DNM3: variants seen among roughly 807,000 people sequenced by gnomAD.
DNM3 encodes dynamin 3, also known as dynamin-3.
A neutral mutation model predicts 101.6 loss-of-function variants in DNM3; 47 were observed. The observed-to-expected ratio is 0.46, with a 90% confidence interval of 0.37 to 0.59. The LOEUF (loss-of-function observed/expected upper bound fraction) is 0.59, where lower values mean the gene tolerates loss of function less well. Ranked by LOEUF, DNM3 falls within the 20% of genes least tolerant of loss-of-function variation. The probability of loss-of-function intolerance (pLI) is 0.00; values close to 1 mark genes in which losing one functional copy is unlikely to be tolerated. For missense variants in DNM3, 849 were observed against 1,085.7 expected, an observed-to-expected ratio of 0.78 and a Z score of 3.06; for synonymous variants, 385 against 387.9, an observed-to-expected ratio of 0.99 and a Z score of 0.09.
chr1:172,391,544 A>C (rs1356259333), intron 20 of DNM3, among the ~76,000 whole-genome samples: 1 of 152,198 alleles, frequency 6.6e-6, no homozygotes, highest in African/African-American at 2.4e-5. Flanking sequence ...GAAAGAAAGA[A>C]ATTGAGAGAA....
At chr1:172,354,088 GGTGT>G (rs768549406) in intron 17 of DNM3, among the ~76,000 whole-genome samples, 8 of 123,114 alleles carry the variant, frequency 6.5e-5, no homozygotes, top group African/African-American at 1.6e-4. Flanking sequence ...AAGGTGTTGG[GGTGT>G]GTGTGTGTGT....
Position 171,900,655 on chromosome 1 carries a change from G to A in DNM3, c.162-21093G>A, listed in dbSNP as rs111864457. On this transcript the variant is annotated intron_variant, in intron 1 of 20. Coordinates refer to ENST00000627582, the MANE Select transcript of DNM3 (RefSeq NM_015569.5). ...GCGTGATTTAAGAATTTTCCTTTAA[G>A]AAGCTTGTCTGTGGAGGAAGGAGTG... is the stretch of plus-strand genomic sequence containing the variant. Among the ~76,000 whole-genome samples, 380 of 152,244 alleles carry A rather than the reference G, an allele frequency of 2.5e-3. 1 individual carries two copies. The highest frequency in any genetic ancestry group is 8.9e-3 in the South Asian group (43 of 4,820).
At chr1:172,078,153 C>T (rs184813802) in intron 11 of DNM3, among the ~76,000 whole-genome samples, 21 of 152,170 alleles carry the variant, frequency 1.4e-4, no homozygotes, top group South Asian at 4.2e-4. Flanking sequence ...AGTGCAGTGG[C>T]GCAATCTCAG....
intron 15 of DNM3, among the ~76,000 whole-genome samples, chr1:172,262,307 C>T (rs2062689560): frequency 6.6e-6 from 1 of 152,146 alleles, no homozygotes; most frequent in Non-Finnish European, 1.5e-5. Flanking sequence ...GGCATGGGAT[C>T]ACTGTCTGTG....
chr1:172,186,596 C>G (rs769750966), intron 14 of DNM3, among the ~76,000 whole-genome samples: 1 of 152,028 alleles, frequency 6.6e-6, no homozygotes, highest in Non-Finnish European at 1.5e-5. Flanking sequence ...AGGCATCTGC[C>G]TCTTTTGATA....
At chr1:172,161,926 G>T (rs1572777571) in intron 14 of DNM3, among the ~76,000 whole-genome samples, 1 of 152,052 alleles carries the variant, frequency 6.6e-6, no homozygotes, top group African/African-American at 2.4e-5. Flanking sequence ...TTTTTAAAAT[G>T]AGATTTATCC....
intron 1 of DNM3, among the ~76,000 whole-genome samples, chr1:171,898,140 A>ATTT (rs1571489731): frequency 6.6e-6 from 1 of 152,130 alleles, no homozygotes; most frequent in Non-Finnish European, 1.5e-5. Flanking sequence ...CATTTTCTAC[A>ATTT]TTTTATGGAT....
At chr1:171,846,397 T>A (rs958654085) in intron 1 of DNM3, among the ~76,000 whole-genome samples, 3 of 152,160 alleles carry the variant, frequency 2.0e-5, no homozygotes, top group Non-Finnish European at 4.4e-5. Context: ...TTGATTTAAC[T>A]TCTTTAAGAA....
intron 13 of DNM3, among the ~76,000 whole-genome samples, chr1:172,129,906 G>C (rs913700362): frequency 6.6e-6 from 1 of 152,144 alleles, no homozygotes; most frequent in African/African-American, 2.4e-5. Flanking sequence ...GCCCAGACTG[G>C]AGAGGGATGC....
chr1:172,070,251 C>T (rs1041428133), intron 11 of DNM3, among the ~76,000 whole-genome samples: 1 of 152,126 alleles, frequency 6.6e-6, no homozygotes, highest in African/African-American at 2.4e-5. Context: ...AGTATTAACT[C>T]CTGAGTCAGT....
chr1:172,000,925 CTT>C (rs1344225309), intron 4 of DNM3, among the ~76,000 whole-genome samples: 2 of 151,944 alleles, frequency 1.3e-5, no homozygotes, highest in Non-Finnish European at 2.9e-5. Context: ...GATATTATAA[CTT>C]GTTTGTGTTT....
At chr1:172,049,672 G>T (rs2050068888) in intron 10 of DNM3, among the ~76,000 whole-genome samples, 1 of 152,104 alleles carries the variant, frequency 6.6e-6, no homozygotes, top group Admixed American at 6.6e-5. Context: ...TAACACTTGT[G>T]CTTTTAATAT....
intron 20 of DNM3, among the ~76,000 whole-genome samples, chr1:172,402,781 C>T (rs1294910152): frequency 2.0e-5 from 3 of 152,188 alleles, no homozygotes; most frequent in Non-Finnish European, 2.9e-5. Flanking sequence ...TGCTTTCACC[C>T]ATGCTTAAGT....
chr1:172,248,588 A>G (rs1466659064), intron 14 of DNM3, among the ~76,000 whole-genome samples: 1 of 152,116 alleles, frequency 6.6e-6, no homozygotes, highest in African/African-American at 2.4e-5. Flanking sequence ...TGGCCTTGAA[A>G]TAAATTTCAA....
intron 17 of DNM3, among the ~76,000 whole-genome samples, chr1:172,332,547 C>G (rs1027867406): frequency 6.6e-6 from 1 of 152,114 alleles, no homozygotes; most frequent in African/African-American, 2.4e-5. Context: ...TGAGCTCAGG[C>G]AATCGCCCAC....
intron 17 of DNM3, among the ~76,000 whole-genome samples, chr1:172,346,442 A>G (rs2066945219): frequency 6.6e-6 from 1 of 152,224 alleles, no homozygotes; most frequent in Non-Finnish European, 1.5e-5. Flanking sequence ...CTTTATCTGA[A>G]GAGCACTGTG....
intron 1 of DNM3, among the ~76,000 whole-genome samples, chr1:171,897,843 A>G (rs1163724254): frequency 2.0e-5 from 3 of 152,180 alleles, no homozygotes; most frequent in African/African-American, 7.2e-5. Context: ...TTAAATGTTT[A>G]AATTACTTTT....
intron 14 of DNM3, among the ~76,000 whole-genome samples, chr1:172,197,818 C>T (rs1204165523): frequency 6.6e-6 from 1 of 151,934 alleles, no homozygotes; most frequent in African/African-American, 2.4e-5. Flanking sequence ...GGCTGAGACT[C>T]TGTGGTTTTC....
chr1:172,301,169 C>A (rs188172813), intron 15 of DNM3, among the ~76,000 whole-genome samples: 23 of 152,188 alleles, frequency 1.5e-4, no homozygotes, highest in African/African-American at 5.3e-4. Flanking sequence ...ACTATCTTTT[C>A]TGGAAAGGTA....
Sources: allele counts gnomAD v4.1 joint callset (sites outside exome capture counted in the v4.1 genomes callset), GRCh38; gene constraint gnomAD v4.1.1; transcripts MANE v1.5; gene names NCBI Gene and HGNC (gene_info 2026-07-23, HGNC 2026-07-21).